Variants in TRPM3 observed in about 807,000 individuals in gnomAD.
TRPM3 encodes the protein long transient receptor potential channel 3.
Under a neutral mutation model 181.2 loss-of-function variants are expected in TRPM3, and 77 were observed. That is an observed-to-expected ratio of 0.42 (90% CI 0.35 to 0.51). The LOEUF is 0.51. Ranked by LOEUF, TRPM3 falls within the 20% of genes least tolerant of loss-of-function variation. The pLI is 0.01. For missense variants in TRPM3, 1,759 were observed against 2,196.7 expected (o/e 0.80, Z 3.98); for synonymous variants, 745 against 796.4 (o/e 0.94, Z 1.09).
chr9:70,538,677 C>T (rs1326564748), intron 25 of TRPM3, among the ~76,000 whole-genome samples: 2 of 152,166 alleles, frequency 1.3e-5, no homozygotes, highest in African/African-American at 4.8e-5. Flanking sequence ...CTTCTCGTGC[C>T]TCAGCCTCCC....
intron 1 of TRPM3, among the ~76,000 whole-genome samples, chr9:71,175,288 C>T (rs912707382): frequency 6.6e-6 from 1 of 152,152 alleles, no homozygotes; most frequent in Non-Finnish European, 1.5e-5. Flanking sequence ...TTGTGTGAAT[C>T]TGTAATAGGC....
intron 1 of TRPM3, among the ~76,000 whole-genome samples, chr9:71,383,931 G>A (rs1293165701): frequency 6.6e-6 from 1 of 152,146 alleles, no homozygotes; most frequent in African/African-American, 2.4e-5. Flanking sequence ...TTTTGCTAGT[G>A]CTTATAAGTT....
chr9:71,204,504 CA>C (rs2079006086), intron 1 of TRPM3, among the ~76,000 whole-genome samples: 1 of 152,066 alleles, frequency 6.6e-6, no homozygotes, highest in Non-Finnish European at 1.5e-5. Context: ...AAATCAAAAC[CA>C]CAATGAGATA....
Position 71,149,108 on chromosome 9 carries a change from G to A in TRPM3, c.184-284597C>T, listed in dbSNP as rs1745239185. Among the ~76,000 whole-genome samples the A allele has an allele frequency of 2.0e-5, 3 of 152,210 alleles. No individual in the cohort carries two copies. The South Asian group carries it at 6.2e-4, about 32-fold the overall frequency. ...ATGGCGGGAAGGCAAGTGAGAAGAA[G>A]TGAAAATATAGGCCGGAGTGGTAGC... On this transcript the variant is annotated intron_variant, in intron 1 of 24. Coordinates refer to the TRPM3 transcript ENST00000357533.
intron 1 of TRPM3, among the ~76,000 whole-genome samples, chr9:71,247,548 AG>A (rs144954854): frequency 6.6e-6 from 1 of 151,956 alleles, no homozygotes; most frequent in Non-Finnish European, 1.5e-5. Flanking sequence ...AAAAAATACC[AG>A]GGGGGAATTT....
intron 20 of TRPM3, among the ~76,000 whole-genome samples, chr9:70,599,869 A>G (rs1263478761): frequency 1.3e-5 from 2 of 152,130 alleles, no homozygotes; most frequent in African/African-American, 4.8e-5. Context: ...CCTATCAATC[A>G]ATTGATCAAT....
chr9:71,266,226 G>A (rs1297189911), intron 1 of TRPM3, among the ~76,000 whole-genome samples: 2 of 152,110 alleles, frequency 1.3e-5, no homozygotes, highest in Non-Finnish European at 2.9e-5. Context: ...ACTTTATCCA[G>A]CCCTCACAAT....
intron 1 of TRPM3, among the ~76,000 whole-genome samples, chr9:70,928,324 G>A (rs982794419): frequency 5.3e-5 from 8 of 152,108 alleles, no homozygotes; most frequent in East Asian, 1.9e-4. Context: ...ACCATGTCCC[G>A]TAATTCCTTT....
Position 70,535,876 on chromosome 9 carries a change from G to T in TRPM3, c.*77C>A. 6.6e-7 allele frequency: 1 copy of T among 1,522,478 alleles called. No individual in the cohort carries two copies. The highest frequency in any genetic ancestry group is 8.8e-7 in the Non-Finnish European group (1 of 1,138,954). 94.3% of individuals were successfully genotyped at this position (1,522,478 alleles called of 1,614,324 possible). The stretch of plus-strand genomic sequence containing the variant: ...TAAGAATAAAGCAGGTATGATTCAA[G>T]GAAAGGGGAAAAACTGGAGTTGGAG... On this transcript the variant is annotated 3_prime_UTR_variant, in exon 26 of 26. Transcript: ENST00000677713.
intron 1 of TRPM3, among the ~76,000 whole-genome samples, chr9:71,395,818 A>G (rs1456597415): frequency 6.6e-6 from 1 of 152,198 alleles, no homozygotes; most frequent in Non-Finnish European, 1.5e-5. Flanking sequence ...GTGAGGTGAG[A>G]AAGTTTTAGT....
intron 1 of TRPM3, among the ~76,000 whole-genome samples, chr9:71,310,448 G>A (rs1318341396): frequency 6.6e-6 from 1 of 151,990 alleles, no homozygotes; most frequent in Non-Finnish European, 1.5e-5. Flanking sequence ...AACATCTGTG[G>A]TTATTAGAAT....
intron 8 of TRPM3, among the ~76,000 whole-genome samples, chr9:70,741,555 A>T (rs2074097275): frequency 6.6e-6 from 1 of 152,206 alleles, no homozygotes; most frequent in Non-Finnish European, 1.5e-5. Flanking sequence ...AATTGTGAAA[A>T]TATTGAACCA....
chr9:71,431,146 T>C (rs2093948009), intron 1 of TRPM3, among the ~76,000 whole-genome samples: 1 of 152,078 alleles, frequency 6.6e-6, no homozygotes. Flanking sequence ...CACTTATTTG[T>C]CTCTTGTCAT....
chr9:71,095,557 G>A (rs966241465), intron 1 of TRPM3, among the ~76,000 whole-genome samples: 11 of 151,932 alleles, frequency 7.2e-5, no homozygotes, highest in Admixed American at 3.3e-4. Context: ...TCAGGAGTTC[G>A]AGACCAGCCT....
chr9:70,552,731 G>T, intron 24 of TRPM3, 113 bp downstream of exon 24: 1 of 1,090,422 alleles, frequency 9.2e-7, no homozygotes, highest in Non-Finnish European at 1.4e-6. Flanking sequence ...AGAGCTGTCT[G>T]CAGCCTGCAA....
At chr9:70,772,240 T>A (rs553606235) in intron 7 of TRPM3, among the ~76,000 whole-genome samples, 1 of 152,262 alleles carries the variant, frequency 6.6e-6, no homozygotes, top group African/African-American at 2.4e-5. Flanking sequence ...ATTTCCTTTG[T>A]CACACTAGCC....
chr9:71,060,149 G>A (rs1307492856), intron 1 of TRPM3, among the ~76,000 whole-genome samples: 1 of 152,116 alleles, frequency 6.6e-6, no homozygotes, highest in Non-Finnish European at 1.5e-5. Context: ...GCAAGCAAGA[G>A]CTTGCTAATC....
chr9:71,371,089 T>G (rs768115313), intron 1 of TRPM3, among the ~76,000 whole-genome samples: 1 of 152,158 alleles, frequency 6.6e-6, no homozygotes, highest in Non-Finnish European at 1.5e-5. Context: ...TCATTTCAAT[T>G]ATCACTGCTC....
At chr9:70,894,899 T>G (rs1589602789) in intron 1 of TRPM3, among the ~76,000 whole-genome samples, 1 of 152,144 alleles carries the variant, frequency 6.6e-6, no homozygotes, top group Non-Finnish European at 1.5e-5. Flanking sequence ...GCCCTACTGC[T>G]AAGATTGTGA....
Sources: allele counts gnomAD v4.1 joint callset (sites outside exome capture counted in the v4.1 genomes callset), GRCh38; gene constraint gnomAD v4.1.1; transcripts MANE v1.5; gene names NCBI Gene and HGNC (gene_info 2026-07-23, HGNC 2026-07-21).